Variants in ATG7 observed in about 807,000 individuals in gnomAD.
The protein encoded by ATG7 is ubiquitin-like modifier-activating enzyme ATG7.
A neutral mutation model predicts 82.4 loss-of-function variants in ATG7; 70 were observed. The observed-to-expected ratio is 0.85, with a 90% CI of 0.70 to 1.04. The LOEUF is 1.04. Among genes scored for constraint, ATG7 ranks in the 50% least tolerant of loss-of-function variants. The pLI is 0.00. For missense variants in ATG7, 792 were observed against 864.3 expected (o/e 0.92, Z 1.05); for synonymous variants, 287 against 313.0 (o/e 0.92, Z 0.88).
intron 5 of ATG7, among the ~76,000 whole-genome samples, chr3:11,305,475 C>T (rs568673983): frequency 6.6e-6 from 1 of 152,280 alleles, no homozygotes; most frequent in African/African-American, 2.4e-5. Flanking sequence ...CTTCTGTTTC[C>T]ACATCCTGTT....
downstream of ATG7, chr3:11,559,528 G>A (rs2072774008): frequency 7.5e-6 from 11 of 1,461,018 alleles, no homozygotes; most frequent in South Asian, 1.3e-4. Context: ...GCCCTCCCCA[G>A]CACCCTTCAG....
intron 9 of ATG7, among the ~76,000 whole-genome samples, chr3:11,316,206 A>T (rs1949387105): frequency 2.0e-5 from 3 of 151,994 alleles, no homozygotes; most frequent in African/African-American, 4.8e-5. Context: ...CCCTTGAACT[A>T]CCCACATTTA....
At chr3:11,449,049 T>C (rs755759536) in intron 20 of ATG7, among the ~76,000 whole-genome samples, 18 of 152,196 alleles carry the variant, frequency 1.2e-4, no homozygotes, top group Non-Finnish European at 2.4e-4. Context: ...TTCCCTTCAT[T>C]GAACTTACAA....
intron 20 of ATG7, among the ~76,000 whole-genome samples, chr3:11,526,412 C>A (rs2092580377): frequency 1.3e-5 from 2 of 151,922 alleles, no homozygotes; most frequent in Admixed American, 1.3e-4. Flanking sequence ...AAAAAAACCC[C>A]CAGACAACAA....
intron 20 of ATG7, among the ~76,000 whole-genome samples, chr3:11,474,201 G>A (rs2087863702): frequency 6.6e-6 from 1 of 152,228 alleles, no homozygotes. Context: ...TGGGGACAGT[G>A]GCAAGACAGA....
Position 11,358,281 on chromosome 3 carries a change from G to A in ATG7, c.1285-137G>A, listed in dbSNP as rs556107270. The A allele has an allele frequency of 9.7e-6, 8 of 820,796 alleles. No homozygotes were observed. In the East Asian group the frequency reaches 2.0e-4, roughly 21 times the overall value. 50.8% of individuals were successfully genotyped at this position (820,796 alleles called of 1,614,324 possible). A position where few individuals can be genotyped will look rare whatever the true frequency, so the allele number is the denominator to read the frequency against. Reference sequence around the variant, plus strand: ...GTGAAGAAGAGAGAGGGCGTGGGAAGGGTGCAGCATAATAGTGCACAGGGA... The same window carrying A: ...GTGAAGAAGAGAGAGGGCGTGGGAAAGGTGCAGCATAATAGTGCACAGGGA... On this transcript the variant is annotated intron_variant, in intron 14 of 20. Transcript: ENST00000693202.
intron 20 of ATG7, among the ~76,000 whole-genome samples, chr3:11,550,512 C>CT (rs2071676065): frequency 6.6e-6 from 1 of 152,120 alleles, no homozygotes. Flanking sequence ...CACCATCCTC[C>CT]TATCTCCTGA....
In ATG7 at chr3:11,338,556, T is replaced by C. The variant is rs561995892; in HGVS notation, c.890-2089T>C. ...CTGACTGGGTATGGTGGCTCATGCC[T>C]GTAATCCTAGCTGCTCCGAAGGCTG... On this transcript the variant is annotated intron_variant, in intron 11 of 20. Transcript: ENST00000693202. 4.6e-5 allele frequency among the ~76,000 whole-genome samples: 7 copies of C among 152,314 alleles called. No individual in the cohort carries two copies. In the East Asian group the frequency reaches 1.4e-3, roughly 29 times the overall value.
chr3:11,482,371 C>A (rs2089101652), intron 20 of ATG7, among the ~76,000 whole-genome samples: 1 of 152,218 alleles, frequency 6.6e-6, no homozygotes, highest in South Asian at 2.1e-4. Context: ...GGAATCTCTT[C>A]CCTTGGCTTC....
intron 20 of ATG7, among the ~76,000 whole-genome samples, chr3:11,492,938 C>T (rs989911284): frequency 1.5e-4 from 23 of 152,356 alleles, no homozygotes; most frequent in African/African-American, 3.1e-4. Flanking sequence ...TTAGCTCCGC[C>T]GTCCATGGAC....
intron 20 of ATG7, among the ~76,000 whole-genome samples, chr3:11,464,865 A>T (rs1414244990): frequency 2.0e-5 from 3 of 152,144 alleles, no homozygotes; most frequent in African/African-American, 7.2e-5. Context: ...CCCCTTTACT[A>T]TAAAATGGAA....
chr3:11,464,613 T>TGA (rs1214899772), intron 20 of ATG7, among the ~76,000 whole-genome samples: 2 of 152,220 alleles, frequency 1.3e-5, no homozygotes, highest in Non-Finnish European at 2.9e-5. Flanking sequence ...CAGATGGACT[T>TGA]GTTGTTTTAA....
chr3:11,273,598 C>T (rs1479628705), intron 1 of ATG7, among the ~76,000 whole-genome samples: 3 of 152,100 alleles, frequency 2.0e-5, no homozygotes, highest in Admixed American at 6.5e-5. Context: ...TGTTATATCC[C>T]CAGCATATAG....
chr3:11,494,547 G>A lies in ATG7; in HGVS notation c.2080-60264G>A, dbSNP rs1182599609. ...GGGCTGTTCTGTATGTGAGGCAGGT[G>A]CCCTAGAAGGCAAAGCTAGGATTAG... On this transcript the variant is annotated intron_variant, in intron 20 of 20. Transcript: ENST00000693202. Among the ~76,000 whole-genome samples the A allele has an allele frequency of 3.3e-5, 5 of 152,198 alleles. No individual in the cohort carries two copies. In the East Asian group the frequency reaches 9.6e-4, roughly 29 times the overall value.
chr3:11,545,464 G>A (rs908244769), intron 20 of ATG7, among the ~76,000 whole-genome samples: 5 of 152,198 alleles, frequency 3.3e-5, no homozygotes, highest in Admixed American at 6.5e-5. Context: ...CTCGGCTCCC[G>A]GCTGGAGAGT....
chr3:11,495,143 C>T (rs1434563843), intron 20 of ATG7, among the ~76,000 whole-genome samples: 2 of 152,116 alleles, frequency 1.3e-5, no homozygotes, highest in Admixed American at 1.3e-4. Context: ...TCTATGACTG[C>T]TTATGTGCTC....
chr3:11,491,607 C>A (rs2090362257), intron 20 of ATG7, among the ~76,000 whole-genome samples: 1 of 152,228 alleles, frequency 6.6e-6, no homozygotes, highest in Non-Finnish European at 1.5e-5. Context: ...GTGGTTTTAT[C>A]TACTTTTGGT....
intron 20 of ATG7, among the ~76,000 whole-genome samples, chr3:11,475,851 C>T: frequency 8.5e-6 from 1 of 118,122 alleles, no homozygotes; most frequent in Non-Finnish European, 1.8e-5. Context: ...CGTCTATGTC[C>T]ATCTCTCTGT....
intron 20 of ATG7, among the ~76,000 whole-genome samples, chr3:11,506,586 C>A (rs1351838713): frequency 0.13 from 1,827 of 14,276 alleles, 59 homozygotes; most frequent in Non-Finnish European, 0.16. Flanking sequence ...AAAAAAAAAC[C>A]CAAAAATTAG....
Sources: allele counts gnomAD v4.1 joint callset (sites outside exome capture counted in the v4.1 genomes callset), GRCh38; gene constraint gnomAD v4.1.1; transcripts MANE v1.5; gene names NCBI Gene and HGNC (gene_info 2026-07-23, HGNC 2026-07-21).